Variants in MRPL13 observed in about 807,000 individuals in gnomAD.
MRPL13 encodes mitochondrial ribosomal protein L13, also known as large ribosomal subunit protein uL13m.
MRPL13 carries 33 observed loss-of-function variants against 29.0 expected under a neutral mutation model. The observed-to-expected ratio is 1.14, with a 90% confidence interval of 0.86 to 1.52. The LOEUF is 1.52. Ranked by LOEUF, MRPL13 falls within the 40% of genes most tolerant of loss-of-function variation. The pLI is 0.00. For synonymous variants in MRPL13, 77 were observed against 68.4 expected, an observed-to-expected ratio of 1.13 and a Z score of -0.62; for missense variants, 227 against 216.7, an observed-to-expected ratio of 1.05 and a Z score of -0.30.
Position 120,395,941 on chromosome 8 carries a change from C to A in MRPL13, c.*163G>T. On this transcript the variant is annotated 3_prime_UTR_variant, in exon 7 of 7. Coordinates refer to ENST00000306185, the MANE Select transcript of MRPL13 (RefSeq NM_014078.6). ...TAAAATTATATTTTAATTACAATTT[C>A]CTATTGAAGGACTATACCTTCCTGA... 2 of 532,702 alleles carry A rather than the reference C, an allele frequency of 3.8e-6. No individual in the cohort carries two copies. Among genetic ancestry groups the A allele is most frequent in the South Asian group, 2.9e-5 (1 of 34,608 alleles). The allele number at this position is 532,702 out of a possible 1,614,324, so 33.0% of individuals were successfully genotyped here.
chr8:120,425,163 T>C (rs755863132), intron 4 of MRPL13, 143 bp downstream of exon 4: 3 of 544,078 alleles, frequency 5.5e-6, no homozygotes, highest in Non-Finnish European at 9.5e-6. Flanking sequence ...ATAATACTTA[T>C]CAAAACGTGT....
chr8:120,432,164 A>C, intron 2 of MRPL13, 41 bp from the exon 3 acceptor site: 1 of 1,476,394 alleles, frequency 6.8e-7, no homozygotes. Context: ...AGAAAAATAA[A>C]AACCTTAAGA....
intron 6 of MRPL13, among the ~76,000 whole-genome samples, chr8:120,408,858 C>T (rs74975821): frequency 0.014 from 2,081 of 152,244 alleles, 43 homozygotes; most frequent in African/African-American, 0.046. Context: ...AGCTTAAATC[C>T]GTGCTCTCTT....
intron 6 of MRPL13, among the ~76,000 whole-genome samples, chr8:120,406,338 T>C (rs1418733243): frequency 1.3e-5 from 2 of 152,122 alleles, no homozygotes; most frequent in East Asian, 3.8e-4. Flanking sequence ...TTAGACAAGA[T>C]TTAAGTAAGG....
chr8:120,418,768 C>G (rs1812834618), intron 5 of MRPL13, among the ~76,000 whole-genome samples: 1 of 151,978 alleles, frequency 6.6e-6, no homozygotes, highest in Admixed American at 6.6e-5. Context: ...GCAATTTCAT[C>G]ATGAAGTGAT....
At chr8:120,433,432 G>GA (rs1288129263) in intron 2 of MRPL13, among the ~76,000 whole-genome samples, 1 of 151,856 alleles carries the variant, frequency 6.6e-6, no homozygotes, top group East Asian at 1.9e-4. Flanking sequence ...CTATTTGGAG[G>GA]AAAAAATGGA....
chr8:120,443,039 G>T lies in MRPL13; in HGVS notation c.151+146C>A, dbSNP rs937348403. The T allele has an allele frequency of 1.4e-4, 111 of 804,638 alleles. No individual in the cohort carries two copies. The African/African-American group carries it at 1.8e-3, about 13-fold the overall frequency. 49.8% of individuals were successfully genotyped at this position (804,638 alleles called of 1,614,324 possible). On this transcript the variant is annotated intron_variant, in intron 2 of 6. Transcript: ENST00000306185. Reference sequence around the variant, plus strand: ...GAATAAGCCAAATTCAGTTTTGGGCGCTAGTATGGTTTCAGCAAGAATGGA... The same window carrying T: ...GAATAAGCCAAATTCAGTTTTGGGCTCTAGTATGGTTTCAGCAAGAATGGA...
In MRPL13 at chr8:120,414,027, T is replaced by A; in HGVS notation, c.479A>T (p.Gln160Leu). Residue 160 changes from glutamine (Q) to leucine (L), a missense_variant, in exon 6 of 7, where the codon CAA becomes CTA. Physicochemically the swap from Gln to Leu is moderately radical, Grantham distance 113 (BLOSUM62 -2). Transcript: ENST00000306185. Reference protein sequence around the residue: ...KIPKRLDEYTQEEIDAFPRLW... With the variant: ...KIPKRLDEYTLEEIDAFPRLW... ...TCTTGGGAAGGCGTCTATTTCTTCT[T>A]GTGTGTACTCATCTAGACGTTTAGG... The A allele has an allele frequency of 6.3e-7, 1 of 1,589,710 alleles. No homozygotes were observed. Among genetic ancestry groups the A allele is most frequent in the Non-Finnish European group, 8.5e-7 (1 of 1,171,128 alleles).
At position 120,444,808 on chromosome 8, in the gene MRPL13, G is replaced by T. The variant is rs112454270; in HGVS notation, c.27+260C>A. On this transcript the variant is annotated intron_variant, in intron 1 of 6. Coordinates refer to ENST00000306185, the MANE Select transcript of MRPL13 (RefSeq NM_014078.6). ...ATGTGATCCACCTTATTACCTCTCC[G>T]ATCTGCTCTAATCCTCTTCCCCCCG... 170 of 561,824 alleles carry T rather than the reference G, an allele frequency of 3.0e-4. 1 individual carries two copies. Among genetic ancestry groups the T allele is most frequent in the African/African-American group, 2.1e-3 (109 of 52,936 alleles). The allele number at this position is 561,824 out of a possible 1,614,324, so 34.8% of individuals were successfully genotyped here. A position where few individuals can be genotyped will look rare whatever the true frequency, so the allele number is the denominator to read the frequency against.
intron 4 of MRPL13, among the ~76,000 whole-genome samples, chr8:120,420,445 A>AATATATATAAAC (rs201309406): frequency 6.8e-6 from 1 of 148,058 alleles, no homozygotes; most frequent in African/African-American, 2.5e-5. Context: ...AATGTATGTA[A>AATATATATAAAC]ATATATATAA....
intron 6 of MRPL13, 105 bp from the exon 7 acceptor site, chr8:120,396,230 G>A: frequency 2.4e-6 from 2 of 831,438 alleles, no homozygotes; most frequent in South Asian, 1.7e-5. Context: ...TGTTCACCAA[G>A]AAATAGCTAC....
intron 6 of MRPL13, among the ~76,000 whole-genome samples, chr8:120,399,578 C>T (rs1812563446): frequency 6.6e-6 from 1 of 152,142 alleles, no homozygotes; most frequent in Non-Finnish European, 1.5e-5. Context: ...TATGAAGCAA[C>T]CACATAAACA....
rs756990443 is a variant in MRPL13 at position 120,414,113 on chromosome 8, C to G, written c.394-1G>C. The G allele has an allele frequency of 2.0e-6, 3 of 1,535,332 alleles. No homozygotes were observed. In the African/African-American group the frequency reaches 4.3e-5, roughly 22 times the overall value. ...TCTTAAGAATATCTTCTGGAATATACTACATTAAAAAAAAATTTAGACTTA... is the reference window on the plus strand; with the variant it reads ...TCTTAAGAATATCTTCTGGAATATAGTACATTAAAAAAAAATTTAGACTTA... On this transcript the variant is annotated splice_acceptor_variant, in intron 5 of 6. Transcript: ENST00000306185. LOFTEE classifies it high-confidence loss of function.
chr8:120,442,262 G>A (rs1022699306), intron 2 of MRPL13, among the ~76,000 whole-genome samples: 7 of 152,192 alleles, frequency 4.6e-5, no homozygotes, highest in Non-Finnish European at 8.8e-5. Flanking sequence ...CTACTGGCAT[G>A]ATAAAGACTC....
intron 6 of MRPL13, among the ~76,000 whole-genome samples, chr8:120,405,979 T>C (rs1170821150): frequency 6.6e-6 from 1 of 152,238 alleles, no homozygotes; most frequent in Non-Finnish European, 1.5e-5. Flanking sequence ...ATATTGTACA[T>C]TAGCCCTACT....
At chr8:120,407,920 A>G (rs1249999658) in intron 6 of MRPL13, among the ~76,000 whole-genome samples, 2 of 152,212 alleles carry the variant, frequency 1.3e-5, no homozygotes, top group African/African-American at 4.8e-5. Flanking sequence ...TGGATGGTGA[A>G]CTAATCTTAA....
intron 3 of MRPL13, among the ~76,000 whole-genome samples, chr8:120,429,636 A>C (rs1812976307): frequency 6.6e-6 from 1 of 152,202 alleles, no homozygotes; most frequent in African/African-American, 2.4e-5. Context: ...AACCAAAAAT[A>C]ATACTTACAA....
At chr8:120,435,001 CTA>C (rs1813037321) in intron 2 of MRPL13, among the ~76,000 whole-genome samples, 1 of 152,094 alleles carries the variant, frequency 6.6e-6, no homozygotes, top group African/African-American at 2.4e-5. Flanking sequence ...TCATTTTTAA[CTA>C]TGTTTGAGAT....
At chr8:120,411,610 T>C (rs1055901242) in intron 6 of MRPL13, among the ~76,000 whole-genome samples, 10 of 152,208 alleles carry the variant, frequency 6.6e-5, no homozygotes, top group Admixed American at 3.9e-4. Flanking sequence ...TCAGTAAACG[T>C]ATACCTATTT....
Sources: allele counts gnomAD v4.1 joint callset (sites outside exome capture counted in the v4.1 genomes callset), GRCh38; gene constraint gnomAD v4.1.1; transcripts MANE v1.5; gene names NCBI Gene and HGNC (gene_info 2026-07-23, HGNC 2026-07-21).